Variants in RCC1 observed in about 807,000 individuals in gnomAD.
RCC1 encodes the protein regulator of chromosome condensation.
RCC1 carries 11 observed loss-of-function variants against 44.4 expected under a neutral mutation model. The ratio of observed to expected loss-of-function variants is 0.25; its 90% CI spans 0.16 to 0.41. The LOEUF is 0.41. Among genes scored for constraint, RCC1 ranks in the 10% least tolerant of loss-of-function variants. RCC1 has a pLI of 1.00. For synonymous variants in RCC1, 213 were observed against 216.5 expected (o/e 0.98, Z 0.14); for missense variants, 386 against 547.1 (o/e 0.71, Z 2.94).
At chr1:28,508,363 TGTAAAAATTGCTTTTTTTA>T in intron 2 of RCC1, 1 of 355,266 alleles carries the variant, frequency 2.8e-6, no homozygotes, top group South Asian at 2.1e-5. Flanking sequence ...TGCTCTGTTC[TGTAAAAATTGCTTTTTTTA>T]GTCAGCTCAT....
intron 3 of RCC1, among the ~76,000 whole-genome samples, chr1:28,512,913 G>C (rs1229906941): frequency 1.3e-5 from 2 of 151,466 alleles, no homozygotes; most frequent in African/African-American, 4.9e-5. Flanking sequence ...TCCTGCCTCA[G>C]CGTCCCCAGC....
At chr1:28,534,857 G>A (rs1465734140) in intron 7 of RCC1, among the ~76,000 whole-genome samples, 193 bp from the exon 8 acceptor site, 1 of 152,166 alleles carries the variant, frequency 6.6e-6, no homozygotes. Context: ...ATCTCTATTT[G>A]CATCCGCTCT....
chr1:28,527,033 G>A (rs115561932), intron 4 of RCC1: 1 of 815,720 alleles, frequency 1.2e-6, no homozygotes, highest in Non-Finnish European at 2.2e-6. Flanking sequence ...CGCATGCTGG[G>A]TGACATCAGG....
Position 28,535,254 on chromosome 1 carries a change from T to G in RCC1, c.539-4T>G. ...GCCTGCATCCCTTACCTTTTCATCC[T>G]TAGGAAACGACCACTTGGTGATGCT... is the stretch of plus-strand genomic sequence containing the variant. On this transcript the variant is annotated splice_region_variant and splice_polypyrimidine_tract_variant and intron_variant, in intron 8 of 12. Transcript: ENST00000683442. The G allele has an allele frequency of 6.2e-7, 1 of 1,614,206 alleles. No individual in the cohort carries two copies. Among genetic ancestry groups the G allele is most frequent in the South Asian group, 1.1e-5 (1 of 91,086 alleles).
At chr1:28,513,004 A>G (rs1162686113) in intron 3 of RCC1, among the ~76,000 whole-genome samples, 1 of 149,850 alleles carries the variant, frequency 6.7e-6, no homozygotes, top group Non-Finnish European at 1.5e-5. Context: ...CAATCTCCTG[A>G]CCTTGTGATC....
At chr1:28,507,781 A>G (rs747652430) in intron 1 of RCC1, 66 of 341,326 alleles carry the variant, frequency 1.9e-4, no homozygotes, top group Non-Finnish European at 2.9e-4. Flanking sequence ...TAATTTTTGT[A>G]TTTTTAGTAA....
chr1:28,507,105 G>C (rs889455403), intron 1 of RCC1: 2 of 231,412 alleles, frequency 8.6e-6, no homozygotes, highest in African/African-American at 4.5e-5. Flanking sequence ...AAGTCCACGT[G>C]TTTCATTTGA....
At chr1:28,514,823 C>T (rs1662793903) in intron 3 of RCC1, among the ~76,000 whole-genome samples, 1 of 151,858 alleles carries the variant, frequency 6.6e-6, no homozygotes, top group African/African-American at 2.4e-5. Flanking sequence ...CATCCCAGCA[C>T]TTTGGGAAGC....
At chr1:28,508,432 A>G in intron 2 of RCC1, 1 of 395,466 alleles carries the variant, frequency 2.5e-6, no homozygotes, top group Non-Finnish European at 5.1e-6. Context: ...AGTGAACTGT[A>G]GGAAGCCTAA....
intron 4 of RCC1, among the ~76,000 whole-genome samples, chr1:28,523,288 G>C (rs1663416421): frequency 6.6e-6 from 1 of 151,942 alleles, no homozygotes; most frequent in African/African-American, 2.4e-5. Flanking sequence ...CAAAGTGCTG[G>C]GATTACAGGC....
intron 4 of RCC1, among the ~76,000 whole-genome samples, chr1:28,517,751 C>G (rs1052350314): frequency 5.3e-5 from 8 of 151,676 alleles, no homozygotes; most frequent in African/African-American, 2.0e-4. Context: ...CCACAACCTC[C>G]CTGGGTTCTC....
Position 28,530,482 on chromosome 1 carries a change from G to T in RCC1, c.73+543G>T, listed in dbSNP as rs1050103970. ...AAAAGCCAGCACCAAACTGGGAGGG[G>T]AAGTGTGGACCCACGCTCAGACAGT... On this transcript the variant is annotated intron_variant, in intron 5 of 12. Coordinates refer to ENST00000683442, the MANE Select transcript of RCC1 (RefSeq NM_001381865.2). 4 of 1,551,240 alleles carry T rather than the reference G, an allele frequency of 2.6e-6. No individual in the cohort carries two copies. The Admixed American group carries it at 5.4e-5, about 21-fold the overall frequency.
intron 7 of RCC1, chr1:28,532,890 A>G (rs993500409): frequency 6.2e-6 from 2 of 320,028 alleles, no homozygotes; most frequent in Non-Finnish European, 1.3e-5. Flanking sequence ...ATCTTGGCTC[A>G]CTGCAACCTC....
chr1:28,525,452 T>C (rs1663586240), intron 4 of RCC1, among the ~76,000 whole-genome samples: 1 of 152,130 alleles, frequency 6.6e-6, no homozygotes, highest in Non-Finnish European at 1.5e-5. Flanking sequence ...CCCTGAGAAG[T>C]AGTCATTGCA....
At chr1:28,525,442 C>T (rs1197688324) in intron 4 of RCC1, among the ~76,000 whole-genome samples, 1 of 152,044 alleles carries the variant, frequency 6.6e-6, no homozygotes, top group East Asian at 1.9e-4. Flanking sequence ...TTGATGACAG[C>T]CCTGAGAAGT....
At chr1:28,509,024 A>G in intron 3 of RCC1, 119 bp downstream of exon 3, 1 of 393,684 alleles carries the variant, frequency 2.5e-6, no homozygotes, top group Non-Finnish European at 5.0e-6. Context: ...CCCAGGCTGT[A>G]GTGCAGTGGC....
At chr1:28,514,148 C>G (rs1662726025) in intron 3 of RCC1, among the ~76,000 whole-genome samples, 5 of 149,780 alleles carry the variant, frequency 3.3e-5, no homozygotes, top group Admixed American at 3.3e-4. Flanking sequence ...CAGAGCAAGA[C>G]TCCGTCTCAA....
At chr1:28,530,426 C>G in intron 5 of RCC1, 3 of 1,157,138 alleles carry the variant, frequency 2.6e-6, no homozygotes, top group Non-Finnish European at 3.7e-6. Flanking sequence ...TTCCTCTGTC[C>G]TGGGACCCCG....
In RCC1 at chr1:28,536,829, C is replaced by T. The variant is rs1405241807; in HGVS notation, c.1020C>T (p.Leu340=). ...EGAEEKSIPT[L]ISRLPAVSSV... is the part of the protein sequence containing the mutation. Reference sequence around the variant, plus strand: ...CTGAGGAGAAGAGCATACCCACCCTCATCTCCAGGCTGCCTGCTGTCTCCT... The same window carrying T: ...CTGAGGAGAAGAGCATACCCACCCTTATCTCCAGGCTGCCTGCTGTCTCCT... The change falls in exon 12 of 13, where the codon CTC becomes CTT. Residue 340 remains leucine (L), a synonymous_variant. Coordinates refer to ENST00000683442, the MANE Select transcript of RCC1 (RefSeq NM_001381865.2). This position sits in a 1 kb window ranked among gnomAD's most constrained non-coding sequence, Gnocchi z 4.9. 2 of 1,614,028 alleles carry T rather than the reference C, an allele frequency of 1.2e-6. No individual in the cohort carries two copies. The highest frequency in any genetic ancestry group is 1.7e-6 in the Non-Finnish European group (2 of 1,180,030).
Sources: gnomAD v4.1 joint callset for allele counts (sites outside exome capture counted in the v4.1 genomes callset) on GRCh38, gnomAD v4.1.1 for gene constraint, Gnocchi (gnomAD v3.1) non-coding constraint, MANE v1.5 for transcripts, NCBI Gene and HGNC (gene_info 2026-07-23, HGNC 2026-07-21) for gene names.